Variants in ST18 observed in about 807,000 individuals in gnomAD.
ST18 encodes suppression of tumorigenicity 18 protein.
In ST18, 50 loss-of-function variants were observed where a neutral mutation model predicts 110.0. The observed-to-expected ratio is 0.45, with a 90% CI of 0.36 to 0.58. The LOEUF (loss-of-function observed/expected upper bound fraction) is 0.58. ST18 is among the 20% of genes least tolerant of loss of function. The pLI is 0.00. For missense variants in ST18, 1,306 were observed against 1,280.1 expected (o/e 1.02, Z -0.31); for synonymous variants, 461 against 452.4 (o/e 1.02, Z -0.24).
At chr8:52,388,359 G>A (rs980913446) in intron 2 of ST18, among the ~76,000 whole-genome samples, 8 of 151,716 alleles carry the variant, frequency 5.3e-5, no homozygotes, top group Non-Finnish European at 1.2e-4. Context: ...CCTTTCCTCC[G>A]AGTTCAGACA....
rs1490610963 is a variant in ST18, at chr8:52,111,198, G to C, written c.*2000C>G. The C allele has an allele frequency of 7.9e-6, 3 of 378,810 alleles. No homozygotes were observed. The East Asian group carries it at 1.1e-4, about 14-fold the overall frequency. 23.5% of individuals were successfully genotyped at this position (378,810 alleles called of 1,614,324 possible). ...GTAATAAATATGTAGGTTGGTAAGA[G>C]ATTTCTTTTAAATTAAATAAAATAT... On this transcript the variant is annotated 3_prime_UTR_variant, in exon 26 of 26. Coordinates refer to ENST00000689386, the MANE Select transcript of ST18 (RefSeq NM_001352837.2).
At chr8:52,259,624 A>G (rs754077999) in intron 2 of ST18, among the ~76,000 whole-genome samples, 1 of 152,230 alleles carries the variant, frequency 6.6e-6, no homozygotes, top group African/African-American at 2.4e-5. Context: ...CAGTAATGGT[A>G]GCTAAGACTT....
chr8:52,347,613 T>C (rs1222647865), intron 2 of ST18, among the ~76,000 whole-genome samples: 1 of 152,220 alleles, frequency 6.6e-6, no homozygotes, highest in Admixed American at 6.5e-5. Context: ...CTAAAATTCA[T>C]AAATAAAAAC....
chr8:52,312,821 C>T (rs1354579127), intron 2 of ST18, among the ~76,000 whole-genome samples: 2 of 152,128 alleles, frequency 1.3e-5, no homozygotes, highest in African/African-American at 4.8e-5. Flanking sequence ...GCTATAGACC[C>T]TATGATGTTG....
intron 2 of ST18, among the ~76,000 whole-genome samples, chr8:52,235,559 G>A (rs936018213): frequency 6.6e-6 from 1 of 152,150 alleles, no homozygotes; most frequent in Non-Finnish European, 1.5e-5. Flanking sequence ...GAGAACAATG[G>A]ACCAAATATT....
Position 52,357,718 on chromosome 8 carries a change from TA to T in ST18, c.-465+51609del, listed in dbSNP as rs1564568752. On this transcript the variant is annotated intron_variant, in intron 2 of 25. Transcript: ENST00000689386. ...ATATATATATATATATATATATATA[TA>T]TATATATATATAAAACAGACTCAAA... Among the ~76,000 whole-genome samples the T allele has an allele frequency of 5.0e-3, 372 of 74,764 alleles. 5 individuals carry two copies. The highest frequency in any genetic ancestry group is 0.037 in the African/African-American group (349 of 9,550). 49.0% of individuals were successfully genotyped at this position (74,764 alleles called of 152,430 possible).
intron 25 of ST18, 72 bp downstream of exon 25, chr8:52,116,203 C>A: frequency 1.3e-6 from 2 of 1,546,398 alleles, no homozygotes; most frequent in South Asian, 1.2e-5. Context: ...GTCGTGGCAA[C>A]CCCGTGGGTA....
chr8:52,284,761 G>C (rs1411879546), intron 2 of ST18, among the ~76,000 whole-genome samples: 1 of 152,160 alleles, frequency 6.6e-6, no homozygotes, highest in Non-Finnish European at 1.5e-5. Context: ...AATGGACTAG[G>C]AAATGTGAAA....
chr8:52,255,952 C>A (rs1274535791), intron 2 of ST18, among the ~76,000 whole-genome samples: 2 of 152,156 alleles, frequency 1.3e-5, no homozygotes, highest in Non-Finnish European at 2.9e-5. Context: ...TTGAGAGGCA[C>A]CTTGACCCCC....
chr8:52,316,251 A>C (rs1025901565), intron 2 of ST18, among the ~76,000 whole-genome samples: 1 of 152,180 alleles, frequency 6.6e-6, no homozygotes, highest in African/African-American at 2.4e-5. Context: ...CTTTAAGCAA[A>C]TATTTCTTGA....
At chr8:52,286,484 C>T (rs1302159804) in intron 2 of ST18, among the ~76,000 whole-genome samples, 1 of 152,074 alleles carries the variant, frequency 6.6e-6, no homozygotes, top group African/African-American at 2.4e-5. Context: ...TTCAAGCTGT[C>T]TGTAATCTTC....
At chr8:52,196,944 C>G (rs1355462354) in intron 8 of ST18, among the ~76,000 whole-genome samples, 1 of 152,092 alleles carries the variant, frequency 6.6e-6, no homozygotes, top group Non-Finnish European at 1.5e-5. Context: ...TACATACTTC[C>G]AAGAAAAGGA....
At chr8:52,232,308 G>A (rs2137009464) in intron 2 of ST18, among the ~76,000 whole-genome samples, 1 of 152,258 alleles carries the variant, frequency 6.6e-6, no homozygotes, top group Non-Finnish European at 1.5e-5. Flanking sequence ...CAGCAATTAT[G>A]TACTTCTTCA....
rs780173776 is a variant in ST18, at chr8:52,172,003, C to T, written c.858G>A (p.Leu286=). The change falls in exon 10 of 26, where the codon CTG becomes CTA. Residue 286 remains leucine (L), a synonymous_variant. Transcript: ENST00000689386. ...PDVEEEDSES[L]AVMTEEGSDL... ...CACTACCCTCTTCCGTCATTACTGC[C>T]AGGCTCTCGCTATCTTCCTCCTCAA... 2 of 1,614,112 alleles carry T rather than the reference C, an allele frequency of 1.2e-6. No individual in the cohort carries two copies. The highest frequency in any genetic ancestry group is 1.7e-6 in the Non-Finnish European group (2 of 1,180,052).
intron 2 of ST18, among the ~76,000 whole-genome samples, chr8:52,337,172 A>G (rs970149568): frequency 2.0e-5 from 3 of 152,228 alleles, no homozygotes; most frequent in African/African-American, 7.2e-5. Context: ...AGGTTGCTTA[A>G]TGATCATTCT....
chr8:52,208,568 T>C (rs971677818), intron 8 of ST18, among the ~76,000 whole-genome samples: 9 of 152,262 alleles, frequency 5.9e-5, no homozygotes, highest in Non-Finnish European at 1.0e-4. Context: ...GGCTCACGCC[T>C]GTAATCCCAG....
rs1047322549 is a variant in ST18 at position 52,409,734 on chromosome 8, C to T, written c.-776G>A. 4.6e-5 allele frequency: 7 copies of T among 152,282 alleles called. No individual in the cohort carries two copies. The highest frequency in any genetic ancestry group is 1.3e-4 in the Admixed American group (2 of 15,292). 9.4% of individuals were successfully genotyped at this position (152,282 alleles called of 1,614,324 possible). A position where few individuals can be genotyped will look rare whatever the true frequency, so the allele number is the denominator to read the frequency against. On this transcript the variant is annotated 5_prime_UTR_variant, in exon 1 of 26. Coordinates refer to ENST00000689386, the MANE Select transcript of ST18 (RefSeq NM_001352837.2). ...AGTTAAAAACATCCTGCCCTTCTCC[C>T]TACAAAAAGGTTCCATAGAATCAGA...
intron 2 of ST18, among the ~76,000 whole-genome samples, chr8:52,237,979 T>A (rs1382061322): frequency 1.3e-5 from 2 of 152,194 alleles, no homozygotes; most frequent in African/African-American, 4.8e-5. Flanking sequence ...ACATCATTAG[T>A]CATTAGGGAA....
intron 8 of ST18, among the ~76,000 whole-genome samples, chr8:52,187,461 T>TA (rs1300688825): frequency 6.6e-6 from 1 of 152,224 alleles, no homozygotes; most frequent in African/African-American, 2.4e-5. Flanking sequence ...TTCAATGATT[T>TA]AATGAGCAGA....
Sources: gnomAD v4.1 joint callset for allele counts (sites outside exome capture counted in the v4.1 genomes callset) on GRCh38, gnomAD v4.1.1 for gene constraint, MANE v1.5 for transcripts, NCBI Gene and HGNC (gene_info 2026-07-23, HGNC 2026-07-21) for gene names.